GRM3: variants seen among roughly 807,000 people sequenced by gnomAD.
GRM3 encodes glutamate metabotropic receptor 3.
A neutral mutation model predicts 70.5 loss-of-function variants in GRM3; 26 were observed. The observed-to-expected ratio is 0.37, with a 90% CI of 0.27 to 0.51. GRM3 has a LOEUF of 0.51. Ranked by LOEUF, GRM3 falls within the 20% of genes least tolerant of loss-of-function variation. The probability of loss-of-function intolerance (pLI) is 0.93; values close to 1 mark genes in which losing one functional copy is unlikely to be tolerated. For synonymous variants in GRM3, 443 were observed against 434.9 expected, an observed-to-expected ratio of 1.02 and a Z score of -0.23; for missense variants, 859 against 1,123.8, an observed-to-expected ratio of 0.76 and a Z score of 3.37.
chr7:86,781,381 A>G (rs1372638451), intron 2 of GRM3, among the ~76,000 whole-genome samples: 6 of 152,180 alleles, frequency 3.9e-5, no homozygotes, highest in Non-Finnish European at 7.4e-5. Flanking sequence ...TCCGTCTTTG[A>G]CTTTAGCCAC....
At chr7:86,781,566 A>G (rs1797062676) in intron 2 of GRM3, among the ~76,000 whole-genome samples, 1 of 152,146 alleles carries the variant, frequency 6.6e-6, no homozygotes, top group Non-Finnish European at 1.5e-5. Flanking sequence ...GTCCTTTGAG[A>G]AAATCAAGAG....
At chr7:86,799,822 C>T (rs1797641512) in intron 3 of GRM3, among the ~76,000 whole-genome samples, 1 of 152,172 alleles carries the variant, frequency 6.6e-6, no homozygotes, top group African/African-American at 2.4e-5. Context: ...AGCCACCATG[C>T]CTGGCCAATA....
intron 1 of GRM3, among the ~76,000 whole-genome samples, chr7:86,736,797 C>T (rs1314605171): frequency 6.6e-6 from 1 of 152,174 alleles, no homozygotes; most frequent in Non-Finnish European, 1.5e-5. Context: ...GATCTTACTG[C>T]ATGCACTCAA....
chr7:86,676,638 A>G (rs1464524046), intron 1 of GRM3, among the ~76,000 whole-genome samples: 1 of 152,036 alleles, frequency 6.6e-6, no homozygotes, highest in African/African-American at 2.4e-5. Context: ...TCTTTTAAGA[A>G]GATGTAAATA....
intron 3 of GRM3, among the ~76,000 whole-genome samples, chr7:86,824,788 A>G (rs1798197807): frequency 6.6e-6 from 1 of 151,940 alleles, no homozygotes; most frequent in South Asian, 2.1e-4. Flanking sequence ...TTTATGCAAC[A>G]AATTTATATA....
chr7:86,674,672 T>C (rs1794261958), intron 1 of GRM3, among the ~76,000 whole-genome samples: 1 of 152,138 alleles, frequency 6.6e-6, no homozygotes, highest in Admixed American at 6.6e-5. Flanking sequence ...CACAGTTTCT[T>C]TACATAGCTT....
At chr7:86,863,145 A>G (rs1212991663) in intron 5 of GRM3, among the ~76,000 whole-genome samples, 1 of 152,192 alleles carries the variant, frequency 6.6e-6, no homozygotes, top group Non-Finnish European at 1.5e-5. Flanking sequence ...TTCAGTCCAT[A>G]GAGAATGGGG....
chr7:86,745,245 C>T (rs916025708), intron 1 of GRM3, among the ~76,000 whole-genome samples: 1 of 152,028 alleles, frequency 6.6e-6, no homozygotes, highest in Non-Finnish European at 1.5e-5. Flanking sequence ...GCCAGAAACC[C>T]CTGAGGGCAG....
chr7:86,801,359 G>A (rs1327233371), intron 3 of GRM3, among the ~76,000 whole-genome samples: 1 of 152,112 alleles, frequency 6.6e-6, no homozygotes, highest in Non-Finnish European at 1.5e-5. Context: ...GTGAGCCAGT[G>A]TGCCCGGCCA....
chr7:86,837,482 G>A (rs1209950797), intron 3 of GRM3, among the ~76,000 whole-genome samples: 1 of 152,196 alleles, frequency 6.6e-6, no homozygotes, highest in Non-Finnish European at 1.5e-5. Flanking sequence ...TCTTTCCATA[G>A]TATGGAAGTA....
At chr7:86,727,875 G>A (rs564935223) in intron 1 of GRM3, among the ~76,000 whole-genome samples, 2 of 152,226 alleles carry the variant, frequency 1.3e-5, no homozygotes, top group Non-Finnish European at 2.9e-5. Context: ...TGTTTTCAAT[G>A]ACAGCTTTCA....
chr7:86,771,685 A>AT (rs1366099213), intron 2 of GRM3, among the ~76,000 whole-genome samples: 1 of 152,110 alleles, frequency 6.6e-6, no homozygotes, highest in East Asian at 1.9e-4. Flanking sequence ...GCAAATTGAA[A>AT]TATCAAGACC....
chr7:86,811,364 C>A (rs934643219), intron 3 of GRM3, among the ~76,000 whole-genome samples: 7 of 151,736 alleles, frequency 4.6e-5, no homozygotes, highest in African/African-American at 1.7e-4. Flanking sequence ...CTAAAAGAAG[C>A]AATAACAACA....
chr7:86,778,576 A>G (rs1418762938), intron 2 of GRM3, among the ~76,000 whole-genome samples: 1 of 152,152 alleles, frequency 6.6e-6, no homozygotes, highest in Admixed American at 6.5e-5. Context: ...AGTGACTGAT[A>G]TTTTCCAGTT....
intron 3 of GRM3, chr7:86,833,005 T>G: frequency 1.0e-6 from 1 of 984,040 alleles, no homozygotes; most frequent in Non-Finnish European, 1.2e-6. Flanking sequence ...TGGTTGTTCT[T>G]TTTCTTCCCC....
rs1798520082 is a variant in GRM3 at position 86,839,468 on chromosome 7, T to A, written c.1954T>A (p.Phe652Ile). Residue 652 changes from phenylalanine to isoleucine, a missense_variant, in exon 4 of 6, where the codon TTC becomes ATC. Physicochemically the swap from Phe to Ile is conservative, Grantham distance 21 (BLOSUM62 0). Transcript: ENST00000361669. This position sits in a 1 kb window ranked among gnomAD's most constrained non-coding sequence, Gnocchi z 4.5. The stretch of plus-strand genomic sequence containing the variant: ...GCGCCGACTCGGGCTGGGGAGTTCC[T>A]TCGCTATCTGTTACTCAGCCCTGCT... ...ALRRLGLGSS[F>I]AICYSALLTK... is the part of the protein sequence containing the mutation. The A allele has an allele frequency of 1.2e-6, 2 of 1,612,256 alleles. No homozygotes were observed. The highest frequency in any genetic ancestry group is 1.7e-6 in the Non-Finnish European group (2 of 1,179,002).
intron 1 of GRM3, among the ~76,000 whole-genome samples, chr7:86,714,479 A>G (rs1331814639): frequency 1.3e-5 from 2 of 152,000 alleles, no homozygotes; most frequent in African/African-American, 4.8e-5. Flanking sequence ...AAAGAGTGAA[A>G]GAGGGTAACT....
chr7:86,647,460 T>C lies in GRM3; in HGVS notation c.-141+2588T>C, dbSNP rs78984554. Among the ~76,000 whole-genome samples, 360 of 152,312 alleles carry C rather than the reference T, an allele frequency of 2.4e-3. 1 individual carries two copies. The highest frequency in any genetic ancestry group is 3.9e-3 in the Non-Finnish European group (262 of 68,010). The stretch of plus-strand genomic sequence containing the variant: ...AATGAAAATGAATACCTAATCACTA[T>C]TGTAAAACAAGGAGGGCAGGATTCA... On this transcript the variant is annotated intron_variant, in intron 1 of 5. Transcript: ENST00000361669.
intron 1 of GRM3, among the ~76,000 whole-genome samples, chr7:86,763,470 G>C (rs1157924228): frequency 6.6e-6 from 1 of 152,142 alleles, no homozygotes; most frequent in Non-Finnish European, 1.5e-5. Context: ...TTCAACAGCA[G>C]GTACATAGGT....
Sources: allele counts gnomAD v4.1 joint callset (sites outside exome capture counted in the v4.1 genomes callset), GRCh38; gene constraint gnomAD v4.1.1; non-coding constraint Gnocchi (gnomAD v3.1); transcripts MANE v1.5; gene names NCBI Gene and HGNC (gene_info 2026-07-23, HGNC 2026-07-21).